The following ELF2 variants were observed in gnomAD, a reference collection of about 807,000 sequenced individuals.
The protein encoded by ELF2 is ETS-related transcription factor Elf-2.
In ELF2, 11 loss-of-function variants were observed where a neutral mutation model predicts 54.8. The ratio of observed to expected loss-of-function variants is 0.20; its 90% confidence interval spans 0.13 to 0.33. The LOEUF (loss-of-function observed/expected upper bound fraction) is 0.33. Among genes scored for constraint, ELF2 ranks in the 10% least tolerant of loss-of-function variants. The pLI is 1.00. For synonymous variants in ELF2, 203 were observed against 245.1 expected (o/e 0.83, Z 1.61); for missense variants, 513 against 703.0 (o/e 0.73, Z 3.06).
At chr4:139,092,550 G>C (rs1321707744) in intron 4 of ELF2, among the ~76,000 whole-genome samples, 1 of 151,854 alleles carries the variant, frequency 6.6e-6, no homozygotes, top group Non-Finnish European at 1.5e-5. Flanking sequence ...CTGAGGTCAG[G>C]AGCTTGAGAC....
intron 7 of ELF2, among the ~76,000 whole-genome samples, chr4:139,062,898 C>T (rs916290658): frequency 3.3e-5 from 5 of 152,186 alleles, no homozygotes; most frequent in Non-Finnish European, 7.3e-5. Flanking sequence ...CTACCCTCAA[C>T]CCTTTAAGGA....
intron 1 of ELF2, among the ~76,000 whole-genome samples, chr4:139,160,330 T>C (rs1741000970): frequency 1.3e-5 from 2 of 152,196 alleles, no homozygotes; most frequent in Admixed American, 1.3e-4. Context: ...TTAACTCTTT[T>C]CTGCACAGCA....
chr4:139,073,748 T>TA (rs1201039185), intron 4 of ELF2, 181 bp from the exon 5 acceptor site: 1 of 344,168 alleles, frequency 2.9e-6, no homozygotes, highest in African/African-American at 2.1e-5. Context: ...GAAATAATTT[T>TA]TAAAAAGCTA....
At position 139,160,203 on chromosome 4, in the gene ELF2, G is replaced by C. The variant is rs184635109; in HGVS notation, c.-252+16764C>G. On this transcript the variant is annotated intron_variant, in intron 1 of 9. Coordinates refer to ENST00000686138, the MANE Select transcript of ELF2 (RefSeq NM_001331036.3). ...GTACAAAAAATTAGCTGGGCGTGGT[G>C]GTGGGCGCCTGTAGTCAGTTACTGG... Among the ~76,000 whole-genome samples the C allele has an allele frequency of 2.2e-3, 331 of 152,270 alleles. 3 individuals carry two copies. Among genetic ancestry groups the C allele is most frequent in the South Asian group, 4.4e-3 (21 of 4,824 alleles).
At chr4:139,163,156 G>A (rs889655527) in intron 1 of ELF2, among the ~76,000 whole-genome samples, 6 of 151,892 alleles carry the variant, frequency 4.0e-5, no homozygotes, top group Non-Finnish European at 8.8e-5. Context: ...TTGCTTCCTA[G>A]GTTTTCATTA....
intron 4 of ELF2, among the ~76,000 whole-genome samples, chr4:139,086,562 C>T (rs894205866): frequency 2.6e-5 from 4 of 152,022 alleles, no homozygotes; most frequent in Admixed American, 6.6e-5. Context: ...ATCTTCGAAC[C>T]GTCATAAACT....
intron 7 of ELF2, chr4:139,067,461 C>G (rs1234152821): frequency 4.1e-6 from 2 of 486,126 alleles, no homozygotes; most frequent in Non-Finnish European, 7.4e-6. Flanking sequence ...CTATATCCCC[C>G]ATGATACAAC....
chr4:139,155,252 A>G (rs1740411607), intron 1 of ELF2: 2 of 151,826 alleles, frequency 1.3e-5, no homozygotes, highest in South Asian at 4.2e-4. Flanking sequence ...CGCCAATCAT[A>G]TATCAACACA....
intron 3 of ELF2, among the ~76,000 whole-genome samples, chr4:139,130,061 C>G (rs1470409196): frequency 6.6e-6 from 1 of 152,062 alleles, no homozygotes; most frequent in African/African-American, 2.4e-5. Flanking sequence ...CCCAATCTGA[C>G]TATGTCCTTA....
At position 139,060,623 on chromosome 4, in the gene ELF2, T is replaced by C. The variant is rs768447314; in HGVS notation, c.858A>G (p.Val286=). 13 of 1,611,514 alleles carry C rather than the reference T, an allele frequency of 8.1e-6. No individual in the cohort carries two copies. The Admixed American group carries it at 1.5e-4, about 19-fold the overall frequency. ...TTTTCGGCATATCCTTGAACTGATATACAAGCCTCTGTCCTTCAACCTTTG... is the reference window on the plus strand; with the variant it reads ...TTTTCGGCATATCCTTGAACTGATACACAAGCCTCTGTCCTTCAACCTTTG... ...ILAKVEGQRL[V]YQFKDMPKNI... Residue 286 remains valine, a synonymous_variant, in exon 9 of 10, where the codon GTA becomes GTG. Coordinates refer to ENST00000686138, the MANE Select transcript of ELF2 (RefSeq NM_001331036.3).
At chr4:139,158,714 C>T (rs1311874249) in intron 1 of ELF2, among the ~76,000 whole-genome samples, 2 of 152,012 alleles carry the variant, frequency 1.3e-5, no homozygotes, top group Non-Finnish European at 2.9e-5. Context: ...AGGAAAAAAG[C>T]AGGTATTAAA....
intron 7 of ELF2, 196 bp downstream of exon 7, chr4:139,067,488 C>T: frequency 1.9e-6 from 1 of 535,906 alleles, no homozygotes; most frequent in South Asian, 2.8e-5. Flanking sequence ...TACAGAATCT[C>T]TGTGGTGTAG....
intron 1 of ELF2, among the ~76,000 whole-genome samples, chr4:139,170,716 CATTATATTAT>C (rs56747979): frequency 2.8e-5 from 4 of 142,724 alleles, no homozygotes; most frequent in African/African-American, 1.0e-4. Flanking sequence ...TATTACATTA[CATTATATTAT>C]ATTATATTAT....
chr4:139,106,740 C>CTTTT (rs35312494), intron 4 of ELF2, among the ~76,000 whole-genome samples: 2 of 93,754 alleles, frequency 2.1e-5, no homozygotes, highest in Non-Finnish European at 2.1e-5. Context: ...AACTATATTT[C>CTTTT]TTTTTTTTTT....
rs1727378654 is a variant in ELF2, at chr4:139,058,792, G to A, written c.*191C>T. ...TACTGTAAGAGGCAGTTTTCTGTCAGCATCTCAATATGTAGTTCATTTCCC... is the reference window on the plus strand; with the variant it reads ...TACTGTAAGAGGCAGTTTTCTGTCAACATCTCAATATGTAGTTCATTTCCC... On this transcript the variant is annotated 3_prime_UTR_variant, in exon 10 of 10. Coordinates refer to ENST00000686138, the MANE Select transcript of ELF2 (RefSeq NM_001331036.3). 4.1e-6 allele frequency: 3 copies of A among 738,490 alleles called. No homozygotes were observed. Among genetic ancestry groups the A allele is most frequent in the African/African-American group, 3.6e-5 (2 of 55,636 alleles). 45.7% of individuals were successfully genotyped at this position (738,490 alleles called of 1,614,324 possible). A position where few individuals can be genotyped will look rare whatever the true frequency, so the allele number is the denominator to read the frequency against.
chr4:139,085,368 A>G (rs1317326179), intron 4 of ELF2, among the ~76,000 whole-genome samples: 2 of 152,248 alleles, frequency 1.3e-5, no homozygotes, highest in Non-Finnish European at 2.9e-5. Context: ...TAAGTGCTCA[A>G]TAAGTATTTG....
intron 6 of ELF2, among the ~76,000 whole-genome samples, 176 bp downstream of exon 6, chr4:139,071,690 T>C (rs1312644855): frequency 6.6e-6 from 1 of 152,198 alleles, no homozygotes; most frequent in Non-Finnish European, 1.5e-5. Flanking sequence ...TTAAACAGTA[T>C]GAGTACGTTA....
intron 4 of ELF2, chr4:139,115,467 C>G (rs1735599801): frequency 3.2e-6 from 3 of 928,816 alleles, no homozygotes; most frequent in Non-Finnish European, 2.6e-6. Context: ...CTCGCCGCGG[C>G]GAGGGCAGCG....
chr4:139,102,319 G>A (rs1486755816), intron 4 of ELF2: 14 of 144,594 alleles, frequency 9.7e-5, no homozygotes, highest in Non-Finnish European at 1.5e-4. Context: ...TCAAGACATC[G>A]AGACCATCCT....
Sources: allele counts gnomAD v4.1 joint callset (sites outside exome capture counted in the v4.1 genomes callset), GRCh38; gene constraint gnomAD v4.1.1; transcripts MANE v1.5; gene names NCBI Gene and HGNC (gene_info 2026-07-23, HGNC 2026-07-21).